CREB5: variants seen among roughly 807,000 people sequenced by gnomAD.
The protein encoded by CREB5 is cAMP responsive element binding protein 5.
CREB5 carries 19 observed loss-of-function variants against 57.1 expected under a neutral mutation model. That is an observed-to-expected ratio of 0.33 (90% confidence interval 0.23 to 0.49). The LOEUF is 0.49. CREB5 is among the 20% of genes least tolerant of loss of function. The pLI, the probability that CREB5 is intolerant of heterozygous loss-of-function variation, is 0.99. For synonymous variants in CREB5, 238 were observed against 238.3 expected (o/e 1.00, Z 0.01); for missense variants, 579 against 671.6 (o/e 0.86, Z 1.52).
chr7:28,740,823 G>C (rs1804285365), intron 7 of CREB5, among the ~76,000 whole-genome samples: 1 of 152,022 alleles, frequency 6.6e-6, no homozygotes, highest in Admixed American at 6.6e-5. Flanking sequence ...AAAGAAAAAG[G>C]AAATTTTATT....
At chr7:28,301,160 G>A (rs772282947) in intron 1 of CREB5, among the ~76,000 whole-genome samples, 6 of 152,172 alleles carry the variant, frequency 3.9e-5, no homozygotes, top group Admixed American at 6.5e-5. Context: ...CTTACTTTTT[G>A]ATTAGGAACT....
At position 28,352,052 on chromosome 7, in the gene CREB5, C is replaced by T. The variant is rs370451340; in HGVS notation, c.-25+52611C>T. On this transcript the variant is annotated intron_variant, in intron 1 of 9. Transcript: ENST00000396299. Reference sequence around the variant, plus strand: ...AAAACCAAATAGACATGATTTGAGGCTTAATATTCTGTTATCATTTGAAGG... The same window carrying T: ...AAAACCAAATAGACATGATTTGAGGTTTAATATTCTGTTATCATTTGAAGG... 1.1e-4 allele frequency among the ~76,000 whole-genome samples: 16 copies of T among 152,288 alleles called. No individual in the cohort carries two copies. In the East Asian group the frequency reaches 2.3e-3, roughly 22 times the overall value.
chr7:28,471,643 A>G (rs1400943386), intron 1 of CREB5, among the ~76,000 whole-genome samples: 1 of 152,198 alleles, frequency 6.6e-6, no homozygotes, highest in Non-Finnish European at 1.5e-5. Flanking sequence ...ATAAATAATA[A>G]AATTAAAACT....
chr7:28,309,565 A>G (rs968088928), intron 1 of CREB5, among the ~76,000 whole-genome samples: 4 of 152,180 alleles, frequency 2.6e-5, no homozygotes, highest in African/African-American at 9.7e-5. Context: ...GTTGAGAGCC[A>G]GGCTGGTGTT....
intron 5 of CREB5, among the ~76,000 whole-genome samples, chr7:28,646,069 C>T (rs947474861): frequency 2.0e-5 from 3 of 152,190 alleles, no homozygotes; most frequent in African/African-American, 7.2e-5. Flanking sequence ...ACTACACCAC[C>T]AGCATTCCTG....
chr7:28,625,067 T>G (rs1052852313), intron 5 of CREB5, among the ~76,000 whole-genome samples: 3 of 151,996 alleles, frequency 2.0e-5, no homozygotes, highest in Admixed American at 2.0e-4. Flanking sequence ...TAAGCAGCAT[T>G]TCATGTAATT....
chr7:28,545,560 G>A (rs1167258583), intron 4 of CREB5, among the ~76,000 whole-genome samples: 1 of 152,148 alleles, frequency 6.6e-6, no homozygotes, highest in East Asian at 1.9e-4. Context: ...CAGAAACTTA[G>A]AAGATCATCC....
intron 7 of CREB5, among the ~76,000 whole-genome samples, chr7:28,783,249 G>T (rs191858402): frequency 9.5e-4 from 144 of 152,154 alleles, no homozygotes; most frequent in African/African-American, 3.3e-3. Flanking sequence ...TTACTGATGT[G>T]GCCTTATCAG....
chr7:28,641,205 A>G (rs1798646426), intron 5 of CREB5, among the ~76,000 whole-genome samples: 1 of 152,168 alleles, frequency 6.6e-6, no homozygotes, highest in Non-Finnish European at 1.5e-5. Flanking sequence ...TGATTCTCCC[A>G]GAACTCAGGA....
intron 9 of CREB5, among the ~76,000 whole-genome samples, chr7:28,816,084 CAT>C (rs1491087503): frequency 2.0e-5 from 3 of 151,488 alleles, no homozygotes; most frequent in Non-Finnish European, 2.9e-5. Flanking sequence ...CACACACACA[CAT>C]AAACACATCT....
intron 7 of CREB5, among the ~76,000 whole-genome samples, chr7:28,762,725 G>A (rs1418182302): frequency 6.8e-6 from 1 of 146,216 alleles, no homozygotes; most frequent in African/African-American, 2.5e-5. Flanking sequence ...CTTGGCTATG[G>A]TTTTTTTTTT....
At chr7:28,595,260 G>T (rs1796655515) in intron 5 of CREB5, among the ~76,000 whole-genome samples, 2 of 151,970 alleles carry the variant, frequency 1.3e-5, no homozygotes, top group Admixed American at 6.6e-5. Flanking sequence ...TTCTTTGGTG[G>T]GTTGTGGTTT....
chr7:28,705,412 G>A (rs1013714647), intron 5 of CREB5, among the ~76,000 whole-genome samples: 27 of 149,286 alleles, frequency 1.8e-4, no homozygotes, highest in Non-Finnish European at 1.3e-4. Flanking sequence ...AAGCTATCAT[G>A]ACAGACCAGT....
intron 5 of CREB5, among the ~76,000 whole-genome samples, chr7:28,607,524 G>T (rs765477012): frequency 6.6e-6 from 1 of 152,128 alleles, no homozygotes; most frequent in Non-Finnish European, 1.5e-5. Context: ...AAAGGTGTGT[G>T]TTTCACCATT....
intron 7 of CREB5, among the ~76,000 whole-genome samples, chr7:28,782,082 A>C (rs1027024929): frequency 6.7e-6 from 1 of 149,956 alleles, no homozygotes; most frequent in Non-Finnish European, 1.5e-5. Context: ...ATCCCCAACA[A>C]TGTGATTTTT....
At chr7:28,508,403 G>A (rs932447871) in intron 4 of CREB5, among the ~76,000 whole-genome samples, 1 of 152,156 alleles carries the variant, frequency 6.6e-6, no homozygotes, top group South Asian at 2.1e-4. Flanking sequence ...TTTGTTCATT[G>A]TTATTATACA....
At chr7:28,534,504 T>C (rs983416131) in intron 4 of CREB5, among the ~76,000 whole-genome samples, 3 of 152,234 alleles carry the variant, frequency 2.0e-5, no homozygotes, top group Non-Finnish European at 4.4e-5. Flanking sequence ...TCGTGGGGCC[T>C]CTCAGAGTTA....
intron 5 of CREB5, among the ~76,000 whole-genome samples, chr7:28,685,406 G>T (rs968764975): frequency 6.6e-6 from 1 of 152,130 alleles, no homozygotes; most frequent in East Asian, 1.9e-4. Flanking sequence ...TTTTGCCCTC[G>T]CTGACAGGGA....
chr7:28,473,081 C>T (rs758751927), intron 1 of CREB5, among the ~76,000 whole-genome samples: 7 of 152,130 alleles, frequency 4.6e-5, no homozygotes, highest in South Asian at 2.1e-4. Context: ...GAAAACTTCC[C>T]CAGGCTGGGT....
Sources: gnomAD v4.1 joint callset for allele counts (sites outside exome capture counted in the v4.1 genomes callset) on GRCh38, gnomAD v4.1.1 for gene constraint, MANE v1.5 for transcripts, NCBI Gene and HGNC (gene_info 2026-07-23, HGNC 2026-07-21) for gene names.